The following CHD6 variants were observed in gnomAD, a reference collection of about 807,000 sequenced individuals.
The protein encoded by CHD6 is chromodomain helicase DNA binding protein 6, also known as ATP-dependent chromatin remodeler CHD6.
In CHD6, 50 loss-of-function variants were observed where a neutral mutation model predicts 276.9. The ratio of observed to expected loss-of-function variants is 0.18; its 90% confidence interval spans 0.14 to 0.23. CHD6 has a LOEUF of 0.23. Among genes scored for constraint, CHD6 ranks in the 10% least tolerant of loss-of-function variants. The pLI is 1.00. For synonymous variants in CHD6, 1,173 were observed against 1,229.3 expected (o/e 0.95, Z 0.96); for missense variants, 2,564 against 3,365.8 (o/e 0.76, Z 5.89).
chr20:41,609,841 TTTTTTTC>T (rs1208404809), intron 1 of CHD6, among the ~76,000 whole-genome samples: 25 of 150,668 alleles, frequency 1.7e-4, no homozygotes, highest in African/African-American at 3.0e-4. Context: ...GTGTTTCCTT[TTTTTTTC>T]TTTTTTCTTT....
At chr20:41,524,119 T>G (rs1244857859) in intron 3 of CHD6, among the ~76,000 whole-genome samples, 1 of 152,190 alleles carries the variant, frequency 6.6e-6, no homozygotes, top group African/African-American at 2.4e-5. Flanking sequence ...CTTCCAGCAC[T>G]GACCTTCCTA....
At chr20:41,590,957 A>T (rs1486784706) in intron 1 of CHD6, among the ~76,000 whole-genome samples, 2 of 151,502 alleles carry the variant, frequency 1.3e-5, no homozygotes, top group Non-Finnish European at 2.9e-5. Context: ...TTTGGAACCA[A>T]CCCAAATGTC....
intron 1 of CHD6, among the ~76,000 whole-genome samples, chr20:41,580,482 C>G (rs1035529279): frequency 3.3e-5 from 5 of 151,558 alleles, no homozygotes; most frequent in African/African-American, 1.2e-4. Flanking sequence ...TAAGGACGCC[C>G]CATCTCTAAA....
intron 1 of CHD6, among the ~76,000 whole-genome samples, chr20:41,599,608 A>G (rs2045753478): frequency 6.6e-6 from 1 of 152,078 alleles, no homozygotes; most frequent in Non-Finnish European, 1.5e-5. Context: ...AACCAAGAGG[A>G]GCAACAAAGC....
Position 41,493,932 on chromosome 20 carries a change from A to G in CHD6, c.1105T>C (p.Leu369=), listed in dbSNP as rs765201809. The change falls in exon 9 of 37, where the codon TTG becomes CTG. Residue 369 remains leucine (L), a synonymous_variant. Transcript: ENST00000373233. ...ACTTCTACATAGTCTGGATTGAACA[A>G]GTCTTCATCAGGCTAACACAAACAG... ...KHIFTEPDED[L]FNPDYVEVDR... 48 of 1,613,804 alleles carry G rather than the reference A, an allele frequency of 3.0e-5. 1 individual carries two copies. In the South Asian group the frequency reaches 5.2e-4, roughly 17 times the overall value.
At chr20:41,606,933 C>T (rs2045836160) in intron 1 of CHD6, among the ~76,000 whole-genome samples, 1 of 152,158 alleles carries the variant, frequency 6.6e-6, no homozygotes, top group Admixed American at 6.5e-5. Flanking sequence ...CTCAACCAAC[C>T]TCTGCTGCTG....
intron 27 of CHD6, 118 bp downstream of exon 27, chr20:41,437,156 C>A: frequency 2.8e-6 from 2 of 707,140 alleles, no homozygotes; most frequent in Non-Finnish European, 2.4e-6. Flanking sequence ...AAATGTTGGG[C>A]AAAATGCAAT....
chr20:41,452,868 G>A lies in CHD6; in HGVS notation c.3195C>T (p.Leu1065=), dbSNP rs1388387704. The A allele has an allele frequency of 1.2e-6, 2 of 1,613,528 alleles. No individual in the cohort carries two copies. The highest frequency in any genetic ancestry group is 2.2e-5 in the South Asian group (2 of 91,038). The part of the protein sequence containing the change: ...KHYNSFEEDE[L]MEFSELDSDS... ...CGCTGTCTAACTCTGAAAACTCCAT[G>A]AGCTCGTCTTCCTCAAACGAGTTGT... The change falls in exon 21 of 37, where the codon CTC becomes CTT. Residue 1065 remains leucine, a synonymous_variant. Transcript: ENST00000373233. This position sits in a 1 kb window ranked among gnomAD's most constrained non-coding sequence, Gnocchi z 4.2.
At chr20:41,432,340 G>A (rs1175192407) in intron 27 of CHD6, among the ~76,000 whole-genome samples, 1 of 152,118 alleles carries the variant, frequency 6.6e-6, no homozygotes, top group Non-Finnish European at 1.5e-5. Context: ...GGCTGAGTGG[G>A]AGCTCAGACT....
chr20:41,482,987 T>C (rs1215949146), intron 16 of CHD6, among the ~76,000 whole-genome samples: 1 of 152,154 alleles, frequency 6.6e-6, no homozygotes, highest in Non-Finnish European at 1.5e-5. Flanking sequence ...AAAATGTAAA[T>C]ACATTATTTT....
chr20:41,498,785 GTA>G (rs1219368575), intron 6 of CHD6, among the ~76,000 whole-genome samples: 7 of 101,774 alleles, frequency 6.9e-5, no homozygotes, highest in African/African-American at 2.4e-4. Flanking sequence ...ATGTGTGTAT[GTA>G]TGTATGTATG....
Position 41,404,203 on chromosome 20 carries a change from CT to C in CHD6, c.*389del. ...TGCAACCCAGCTCACAGAAAAAGAG[CT>C]CCTCTTTGTCTCTGTTCTTCCACCC... On this transcript the variant is annotated 3_prime_UTR_variant, in exon 37 of 37. Coordinates refer to ENST00000373233, the MANE Select transcript of CHD6 (RefSeq NM_032221.5). 1 of 1,068,642 alleles carries C rather than the reference CT, an allele frequency of 9.4e-7. No homozygotes were observed. Among genetic ancestry groups the C allele is most frequent in the Non-Finnish European group, 1.1e-6 (1 of 882,384 alleles). 66.2% of individuals were successfully genotyped at this position (1,068,642 alleles called of 1,614,324 possible).
intron 17 of CHD6, among the ~76,000 whole-genome samples, chr20:41,458,203 T>A (rs1260163513): frequency 6.6e-6 from 1 of 152,238 alleles, no homozygotes; most frequent in Non-Finnish European, 1.5e-5. Flanking sequence ...ATTGCCTAGA[T>A]CTGTTAATTC....
At chr20:41,583,051 A>G (rs985712657) in intron 1 of CHD6, among the ~76,000 whole-genome samples, 1 of 152,198 alleles carries the variant, frequency 6.6e-6, no homozygotes, top group Non-Finnish European at 1.5e-5. Context: ...AGAAGGGGAT[A>G]GAGGGACTGA....
At chr20:41,583,769 T>C (rs1040151936) in intron 1 of CHD6, among the ~76,000 whole-genome samples, 2 of 152,148 alleles carry the variant, frequency 1.3e-5, no homozygotes, top group Admixed American at 1.3e-4. Flanking sequence ...ACTGGAAATA[T>C]ACTGTATTGT....
chr20:41,414,711 T>C (rs1388782619), intron 34 of CHD6: 2 of 493,772 alleles, frequency 4.1e-6, no homozygotes, highest in Non-Finnish European at 5.6e-6. Context: ...TTGCCCCACT[T>C]TACACAGGAG....
intron 1 of CHD6, among the ~76,000 whole-genome samples, chr20:41,610,103 C>T (rs2045871156): frequency 6.6e-6 from 1 of 152,054 alleles, no homozygotes; most frequent in Non-Finnish European, 1.5e-5. Flanking sequence ...GTGATCTGCC[C>T]ACCTCACCTC....
chr20:41,514,726 G>A, intron 4 of CHD6, 79 bp downstream of exon 4: 2 of 1,505,818 alleles, frequency 1.3e-6, no homozygotes, highest in Non-Finnish European at 1.8e-6. Flanking sequence ...GAAAGGCATA[G>A]AGGAGCAACA....
At chr20:41,438,059 A>G (rs1436786239) in intron 26 of CHD6, among the ~76,000 whole-genome samples, 1 of 152,216 alleles carries the variant, frequency 6.6e-6, no homozygotes, top group Non-Finnish European at 1.5e-5. Context: ...GGCTGTGCAC[A>G]TCAAATGAGG....
Sources: gnomAD v4.1 joint callset for allele counts (sites outside exome capture counted in the v4.1 genomes callset) on GRCh38, gnomAD v4.1.1 for gene constraint, Gnocchi (gnomAD v3.1) non-coding constraint, MANE v1.5 for transcripts, NCBI Gene and HGNC (gene_info 2026-07-23, HGNC 2026-07-21) for gene names.